The following MECOM variants were observed in gnomAD, a reference collection of about 807,000 sequenced individuals.
MECOM encodes histone-lysine N-methyltransferase MECOM.
A neutral mutation model predicts 116.3 loss-of-function variants in MECOM; 13 were observed. That is an observed-to-expected ratio of 0.11 (90% CI 0.07 to 0.18). MECOM has a LOEUF of 0.18. Among genes scored for constraint, MECOM ranks in the 10% least tolerant of loss-of-function variants. The probability of loss-of-function intolerance (pLI) is 1.00; values close to 1 mark genes in which losing one functional copy is unlikely to be tolerated. For synonymous variants in MECOM, 528 were observed against 535.2 expected, an observed-to-expected ratio of 0.99 and a Z score of 0.19; for missense variants, 1,299 against 1,509.0, an observed-to-expected ratio of 0.86 and a Z score of 2.31.
intron 2 of MECOM, among the ~76,000 whole-genome samples, chr3:169,175,730 A>T (rs529148557): frequency 7.2e-5 from 11 of 152,314 alleles, no homozygotes; most frequent in Non-Finnish European, 1.3e-4. Context: ...CAATGTTTGT[A>T]TAAAGACTAA....
intron 2 of MECOM, among the ~76,000 whole-genome samples, chr3:169,298,397 A>G (rs1423030705): frequency 2.6e-5 from 4 of 151,920 alleles, no homozygotes. Context: ...CAATATGAAG[A>G]TGCAGAGAGA....
chr3:169,659,483 A>T (rs928187063), intron 1 of MECOM, among the ~76,000 whole-genome samples: 9 of 117,602 alleles, frequency 7.7e-5, no homozygotes, highest in Non-Finnish European at 1.3e-4. Context: ...TGCAAAACAC[A>T]TCAAAATACT....
At chr3:169,440,788 T>C (rs977985441) in intron 1 of MECOM, among the ~76,000 whole-genome samples, 1 of 152,096 alleles carries the variant, frequency 6.6e-6, no homozygotes, top group Non-Finnish European at 1.5e-5. Flanking sequence ...GATGAGAAAT[T>C]GAACACAACT....
intron 2 of MECOM, among the ~76,000 whole-genome samples, chr3:169,215,301 G>A (rs937195203): frequency 6.9e-6 from 1 of 144,546 alleles, no homozygotes; most frequent in East Asian, 2.0e-4. Context: ...TACATGGTGT[G>A]TAAAACCGAC....
chr3:169,175,320 T>G (rs1385205329), intron 2 of MECOM, among the ~76,000 whole-genome samples: 3 of 152,146 alleles, frequency 2.0e-5, no homozygotes, highest in Non-Finnish European at 4.4e-5. Flanking sequence ...AGTGCCTATA[T>G]GACACCACAG....
At chr3:169,365,920 T>C (rs1394771365) in intron 2 of MECOM, among the ~76,000 whole-genome samples, 1 of 152,042 alleles carries the variant, frequency 6.6e-6, no homozygotes, top group African/African-American at 2.4e-5. Flanking sequence ...TAGGTATTTA[T>C]CTATCAAGCA....
chr3:169,633,716 T>A (rs879845884), intron 1 of MECOM, among the ~76,000 whole-genome samples: 1 of 152,046 alleles, frequency 6.6e-6, no homozygotes, highest in Admixed American at 6.5e-5. Context: ...TCTGGTCTCA[T>A]CGTGCCTTGG....
intron 2 of MECOM, among the ~76,000 whole-genome samples, chr3:169,184,519 T>C (rs1746454650): frequency 1.5e-5 from 1 of 68,032 alleles, no homozygotes; most frequent in Admixed American, 1.2e-4. Context: ...GCAGAATACA[T>C]TTTTTTTCCT....
chr3:169,578,933 T>G (rs1764809536), intron 1 of MECOM, among the ~76,000 whole-genome samples: 1 of 152,196 alleles, frequency 6.6e-6, no homozygotes, highest in Admixed American at 6.5e-5. Flanking sequence ...TGCCTCCTAA[T>G]AAACACAGAC....
intron 2 of MECOM, among the ~76,000 whole-genome samples, chr3:169,232,093 A>G (rs1279143152): frequency 6.6e-6 from 1 of 152,184 alleles, no homozygotes; most frequent in East Asian, 1.9e-4. Flanking sequence ...CAGCACAGCT[A>G]GAAACTCTAA....
At chr3:169,627,152 G>A (rs780885156) in intron 1 of MECOM, among the ~76,000 whole-genome samples, 3 of 152,166 alleles carry the variant, frequency 2.0e-5, no homozygotes, top group Non-Finnish European at 4.4e-5. Flanking sequence ...TCTTGTGAAA[G>A]GATCCAATTG....
chr3:169,168,019 A>G (rs1189914992), intron 2 of MECOM, among the ~76,000 whole-genome samples: 1 of 146,234 alleles, frequency 6.8e-6, no homozygotes. Context: ...TCACATGTAA[A>G]CATGGCCTGG....
chr3:169,390,364 G>A (rs768303443), intron 1 of MECOM, among the ~76,000 whole-genome samples: 70 of 152,320 alleles, frequency 4.6e-4, no homozygotes, highest in Non-Finnish European at 8.2e-4. Flanking sequence ...GCTCTAACCA[G>A]TGAAACTGGA....
intron 1 of MECOM, among the ~76,000 whole-genome samples, chr3:169,405,231 C>T (rs570990519): frequency 2.0e-5 from 3 of 152,216 alleles, no homozygotes; most frequent in South Asian, 4.2e-4. Context: ...TGCCTGCTCT[C>T]TCTTTCCCTC....
chr3:169,302,524 A>G (rs1716922198), intron 2 of MECOM, among the ~76,000 whole-genome samples: 1 of 152,116 alleles, frequency 6.6e-6, no homozygotes, highest in South Asian at 2.1e-4. Context: ...GAATAGAATG[A>G]ATATTTTTTG....
intron 2 of MECOM, among the ~76,000 whole-genome samples, chr3:169,172,768 T>C (rs531695683): frequency 1.3e-5 from 2 of 152,262 alleles, no homozygotes; most frequent in South Asian, 4.1e-4. Context: ...AAGGACATAA[T>C]ACTGTGCTGT....
At chr3:169,449,624 C>T (rs1447128541) in intron 1 of MECOM, among the ~76,000 whole-genome samples, 1 of 152,076 alleles carries the variant, frequency 6.6e-6, no homozygotes, top group Non-Finnish European at 1.5e-5. Context: ...ACAAATTTTC[C>T]CTCAGCATTA....
chr3:169,462,985 A>T (rs1356389071), intron 1 of MECOM, among the ~76,000 whole-genome samples: 1 of 152,196 alleles, frequency 6.6e-6, no homozygotes, highest in East Asian at 1.9e-4. Context: ...GCCCAGTTCA[A>T]TAGGACAAAA....
intron 1 of MECOM, among the ~76,000 whole-genome samples, chr3:169,494,721 G>T (rs1403585722): frequency 2.0e-5 from 3 of 152,190 alleles, no homozygotes; most frequent in African/African-American, 7.2e-5. Context: ...GGACCCTGGA[G>T]CATCTGTATT....
Sources: allele counts gnomAD v4.1 joint callset (sites outside exome capture counted in the v4.1 genomes callset), GRCh38; gene constraint gnomAD v4.1.1; transcripts MANE v1.5; gene names NCBI Gene and HGNC (gene_info 2026-07-23, HGNC 2026-07-21).